The following COL13A1 variants were observed in gnomAD, a reference collection of about 807,000 sequenced individuals.
The protein encoded by COL13A1 is collagen type XIII alpha 1 chain, also known as collagen alpha-1(XIII) chain.
Under a neutral mutation model 130.9 loss-of-function variants are expected in COL13A1, and 89 were observed. That is an observed-to-expected ratio of 0.68 (90% CI 0.57 to 0.81). The LOEUF is 0.81. Among genes scored for constraint, COL13A1 ranks in the 30% least tolerant of loss-of-function variants. COL13A1 has a pLI of 0.00. For missense variants in COL13A1, 879 were observed against 934.6 expected (o/e 0.94, Z 0.78); for synonymous variants, 402 against 341.6 (o/e 1.18, Z -1.95).
intron 2 of COL13A1, among the ~76,000 whole-genome samples, chr10:69,826,276 C>A (rs940574962): frequency 3.9e-5 from 6 of 152,156 alleles, no homozygotes; most frequent in African/African-American, 1.4e-4. Flanking sequence ...AAGGATGACA[C>A]GTTTTTCACC....
At position 69,907,640 on chromosome 10, in the gene COL13A1, TA is replaced by T. The variant is rs537037820; in HGVS notation, c.921+1820del. 1.0e-3 allele frequency among the ~76,000 whole-genome samples: 154 copies of T among 150,796 alleles called. 2 individuals are homozygous for T. Among genetic ancestry groups the T allele is most frequent in the Non-Finnish European group, 1.9e-3 (131 of 67,796 alleles). On this transcript the variant is annotated intron_variant, in intron 17 of 40. Transcript: ENST00000645393. ...ATAACTAACCCACTCCCACAATAACTAACCCACTCTCATGATGACTAACCCA... is the reference window on the plus strand; with the variant it reads ...ATAACTAACCCACTCCCACAATAACTACCCACTCTCATGATGACTAACCCA...
intron 6 of COL13A1, among the ~76,000 whole-genome samples, chr10:69,880,073 G>A (rs1054191171): frequency 1.1e-4 from 17 of 152,020 alleles, no homozygotes; most frequent in Non-Finnish European, 2.2e-4. Context: ...GGGCCGGGGA[G>A]AGACTCAGGC....
chr10:69,861,156 G>A (rs570861082), intron 2 of COL13A1, among the ~76,000 whole-genome samples: 2 of 152,318 alleles, frequency 1.3e-5, no homozygotes, highest in Admixed American at 1.3e-4. Context: ...GCAAGGAAGT[G>A]AAGGGGGCAC....
At chr10:69,883,256 G>A (rs2060312570) in intron 7 of COL13A1, among the ~76,000 whole-genome samples, 2 of 152,214 alleles carry the variant, frequency 1.3e-5, no homozygotes, top group Admixed American at 6.5e-5. Flanking sequence ...CCTCCAAGAT[G>A]CTGGCTGGCC....
At chr10:69,925,773 G>A (rs758234618) in intron 25 of COL13A1, 31 bp from the exon 26 acceptor site, 32 of 1,557,490 alleles carry the variant, frequency 2.1e-5, no homozygotes, top group Non-Finnish European at 2.6e-5. Flanking sequence ...CCCGGTCCAG[G>A]CCGTGGGTTG....
chr10:69,824,821 T>G (rs879434308), intron 2 of COL13A1, among the ~76,000 whole-genome samples: 105 of 152,312 alleles, frequency 6.9e-4, no homozygotes, highest in Admixed American at 5.2e-3. Flanking sequence ...CAGTGGGCAA[T>G]GCCTGAAGAA....
At chr10:69,855,205 T>C (rs1270567045) in intron 2 of COL13A1, among the ~76,000 whole-genome samples, 1 of 152,218 alleles carries the variant, frequency 6.6e-6, no homozygotes, top group Non-Finnish European at 1.5e-5. Context: ...GCTGTTTTCC[T>C]GGCCACCTGT....
At chr10:69,829,475 G>A (rs535038669) in intron 2 of COL13A1, among the ~76,000 whole-genome samples, 2 of 152,308 alleles carry the variant, frequency 1.3e-5, no homozygotes, top group South Asian at 4.1e-4. Flanking sequence ...GACCACATTT[G>A]GAGTAACAGA....
In COL13A1 at chr10:69,833,035, C is replaced by T. The variant is rs181145371; in HGVS notation, c.364+10597C>T. On this transcript the variant is annotated intron_variant, in intron 2 of 40. Transcript: ENST00000645393. The stretch of plus-strand genomic sequence containing the variant: ...AGTGCCTCGAAGGTAGACCGCAGCA[C>T]GCACTGCCTGGTCACCTCTCCCTGT... Among the ~76,000 whole-genome samples, 20 of 152,334 alleles carry T rather than the reference C, an allele frequency of 1.3e-4. 1 individual carries two copies. The highest frequency in any genetic ancestry group is 9.1e-4 in the Admixed American group (14 of 15,310).
chr10:69,958,739 A>C lies in COL13A1; in HGVS notation c.*38A>C. ...TGGATTGGCCTGTGTGTGTGTTTGT[A>C]CATAGAATATTTATTTTTATACAGT... On this transcript the variant is annotated 3_prime_UTR_variant, in exon 41 of 41. Coordinates refer to ENST00000645393, the MANE Select transcript of COL13A1 (RefSeq NM_001368882.1). 6.2e-7 allele frequency: 1 copy of C among 1,612,688 alleles called. No individual in the cohort carries two copies.
At chr10:69,944,989 A>G in intron 36 of COL13A1, among the ~76,000 whole-genome samples, 1 of 152,364 alleles carries the variant, frequency 6.6e-6, no homozygotes, top group African/African-American at 2.4e-5. Context: ...CAGGACTTGC[A>G]GTTCCTGGCC....
At chr10:69,803,878 C>G (rs1840746490) in intron 1 of COL13A1, among the ~76,000 whole-genome samples, 1 of 152,156 alleles carries the variant, frequency 6.6e-6, no homozygotes, top group Non-Finnish European at 1.5e-5. Context: ...GTGCTGTGAG[C>G]ATTTTGGCAA....
At chr10:69,874,603 G>A (rs2059402563) in intron 4 of COL13A1, among the ~76,000 whole-genome samples, 1 of 152,200 alleles carries the variant, frequency 6.6e-6, no homozygotes, top group Non-Finnish European at 1.5e-5. Flanking sequence ...AGAGGAGGGA[G>A]GAGTGGAGAA....
intron 1 of COL13A1, among the ~76,000 whole-genome samples, chr10:69,806,035 G>A (rs1182854868): frequency 6.6e-6 from 1 of 152,244 alleles, no homozygotes; most frequent in Non-Finnish European, 1.5e-5. Flanking sequence ...CTGCACTTCA[G>A]GTTCATCTTC....
chr10:69,922,922 T>C, intron 23 of COL13A1, 128 bp downstream of exon 23: 1 of 596,096 alleles, frequency 1.7e-6, no homozygotes, highest in Non-Finnish European at 2.8e-6. Context: ...AGATGTGTGG[T>C]TTTCCCCATG....
chr10:69,950,324 A>G (rs2069309285), intron 38 of COL13A1, among the ~76,000 whole-genome samples: 1 of 152,112 alleles, frequency 6.6e-6, no homozygotes, highest in South Asian at 2.1e-4. Context: ...GGCAGGGAGA[A>G]CGCAGGCAAC....
chr10:69,860,418 G>T (rs895118243), intron 2 of COL13A1, among the ~76,000 whole-genome samples: 5 of 152,164 alleles, frequency 3.3e-5, no homozygotes, highest in African/African-American at 9.7e-5. Context: ...CCCTCATACC[G>T]CACTGAGCCG....
chr10:69,945,631 G>A (rs113973949), intron 36 of COL13A1, 40 bp from the exon 37 acceptor site: 96 of 1,602,238 alleles, frequency 6.0e-5, no homozygotes, highest in East Asian at 5.4e-4. Flanking sequence ...GATTGTTACC[G>A]TGTCTGGCAG....
At chr10:69,845,647 A>G (rs1264352869) in intron 2 of COL13A1, among the ~76,000 whole-genome samples, 1 of 151,956 alleles carries the variant, frequency 6.6e-6, no homozygotes, top group Non-Finnish European at 1.5e-5. Flanking sequence ...CCTGGGAAAC[A>G]TTTCTTGCCT....
Sources: gnomAD v4.1 joint callset for allele counts (sites outside exome capture counted in the v4.1 genomes callset) on GRCh38, gnomAD v4.1.1 for gene constraint, MANE v1.5 for transcripts, NCBI Gene and HGNC (gene_info 2026-07-23, HGNC 2026-07-21) for gene names.